The following MCUB variants were observed in gnomAD, a reference collection of about 807,000 sequenced individuals.
The protein encoded by MCUB is mitochondrial calcium uniporter dominant negative subunit beta, also known as calcium uniporter regulatory subunit MCUb, mitochondrial.
MCUB carries 46 observed loss-of-function variants against 41.4 expected under a neutral mutation model. The ratio of observed to expected loss-of-function variants is 1.11; its 90% CI spans 0.88 to 1.42. MCUB has a LOEUF of 1.42. Ranked by LOEUF, MCUB falls within the 40% of genes most tolerant of loss-of-function variation. MCUB has a pLI of 0.00. For missense variants in MCUB, 403 were observed against 404.9 expected, an observed-to-expected ratio of 1.00 and a Z score of 0.04; for synonymous variants, 148 against 148.2, an observed-to-expected ratio of 1.00 and a Z score of 0.01.
rs117742960 is a variant in MCUB at position 109,641,550 on chromosome 4, T to A, written c.100-17461T>A. Among the ~76,000 whole-genome samples the A allele has an allele frequency of 1.1e-4, 16 of 152,318 alleles. No individual in the cohort carries two copies. The East Asian group carries it at 3.1e-3, about 29-fold the overall frequency. On this transcript the variant is annotated intron_variant, in intron 1 of 7. Transcript: ENST00000394650. ...ATGATAGTTTGAAATATTGTGAGGATTACTAAGATGTGACAGAGACAAAGT... is the reference window on the plus strand; with the variant it reads ...ATGATAGTTTGAAATATTGTGAGGAATACTAAGATGTGACAGAGACAAAGT...
chr4:109,652,047 G>T (rs367870800), intron 1 of MCUB, among the ~76,000 whole-genome samples: 1 of 152,338 alleles, frequency 6.6e-6, no homozygotes, highest in Non-Finnish European at 1.5e-5. Flanking sequence ...TTCTTGGCTT[G>T]TACATGGCTG....
chr4:109,605,854 G>A (rs75545247), intron 1 of MCUB, among the ~76,000 whole-genome samples: 3,078 of 152,046 alleles, frequency 0.02, 102 homozygotes, highest in African/African-American at 0.071. Context: ...TTTTTTGGGG[G>A]GGTTCCATTA....
chr4:109,674,497 C>A (rs1316980351), intron 4 of MCUB, among the ~76,000 whole-genome samples: 2 of 152,192 alleles, frequency 1.3e-5, no homozygotes, highest in East Asian at 3.8e-4. Flanking sequence ...GTATAAGAGT[C>A]CTATTTGCCC....
At chr4:109,662,905 C>T (rs1729258413) in intron 3 of MCUB, among the ~76,000 whole-genome samples, 1 of 152,044 alleles carries the variant, frequency 6.6e-6, no homozygotes, top group African/African-American at 2.4e-5. Flanking sequence ...AAGCTTGTCA[C>T]AGTTTTGCCC....
chr4:109,575,053 G>T (rs771620946), intron 1 of MCUB, among the ~76,000 whole-genome samples: 8 of 152,220 alleles, frequency 5.3e-5, no homozygotes, highest in Non-Finnish European at 8.8e-5. Flanking sequence ...GCTGCCGCAG[G>T]TCAGAATGGA....
chr4:109,656,432 G>A (rs914756000), intron 1 of MCUB, among the ~76,000 whole-genome samples: 1 of 133,556 alleles, frequency 7.5e-6, no homozygotes, highest in Non-Finnish European at 1.5e-5. Context: ...CTGAAGTGCA[G>A]TAGCTACAAT....
At chr4:109,653,357 G>A (rs6831930) in intron 1 of MCUB, among the ~76,000 whole-genome samples, 106,044 of 150,786 alleles carry the variant, frequency 0.7, 37,957 homozygotes, top group African/African-American at 0.83. Context: ...CCAGCCTGGG[G>A]GACAGAGCAA....
chr4:109,586,750 T>C (rs963339624), intron 1 of MCUB, among the ~76,000 whole-genome samples: 3 of 151,932 alleles, frequency 2.0e-5, no homozygotes, highest in Admixed American at 2.0e-4. Context: ...GGAGGTCCAC[T>C]CCAGACCCTG....
chr4:109,603,508 C>T (rs1423055240), intron 1 of MCUB, among the ~76,000 whole-genome samples: 1 of 152,300 alleles, frequency 6.6e-6, no homozygotes, highest in South Asian at 2.1e-4. Context: ...AGCCTCTGCC[C>T]GGCCGCCACC....
At chr4:109,664,175 T>A in intron 3 of MCUB, 115 bp from the exon 4 acceptor site, 2 of 658,708 alleles carry the variant, frequency 3.0e-6, no homozygotes, top group South Asian at 3.3e-5. Context: ...CCCACAAAAG[T>A]AAATTGTCCA....
intron 6 of MCUB, chr4:109,684,914 A>G: frequency 2.6e-6 from 1 of 383,974 alleles, no homozygotes. Flanking sequence ...CATTTATAAA[A>G]AAAACTGAAT....
chr4:109,595,565 TAAATA>T (rs1275498890), intron 1 of MCUB, among the ~76,000 whole-genome samples: 1 of 147,640 alleles, frequency 6.8e-6, no homozygotes, highest in Non-Finnish European at 1.5e-5. Flanking sequence ...AAATTTAAAT[TAAATA>T]AAATAAAAAA....
At chr4:109,583,115 T>G (rs1727221800) in intron 1 of MCUB, among the ~76,000 whole-genome samples, 1 of 152,348 alleles carries the variant, frequency 6.6e-6, no homozygotes, top group South Asian at 2.1e-4. Flanking sequence ...CATTGATAGC[T>G]TGATGGGTAT....
At chr4:109,614,227 T>A (rs1728078395) in intron 1 of MCUB, among the ~76,000 whole-genome samples, 2 of 152,136 alleles carry the variant, frequency 1.3e-5, no homozygotes, top group Non-Finnish European at 2.9e-5. Context: ...CAGAATTGTG[T>A]CATTTGAATC....
intron 4 of MCUB, among the ~76,000 whole-genome samples, chr4:109,679,398 C>T (rs1193911349): frequency 2.6e-5 from 4 of 152,230 alleles, no homozygotes; most frequent in African/African-American, 9.6e-5. Flanking sequence ...GCAATCCCAG[C>T]ACCTCGGGAG....
At position 109,623,215 on chromosome 4, in the gene MCUB, G is replaced by A. The variant is rs11937569; in HGVS notation, c.100-35796G>A. 6.7e-3 allele frequency among the ~76,000 whole-genome samples: 1,015 copies of A among 152,304 alleles called. 12 individuals are homozygous for A. Among genetic ancestry groups the A allele is most frequent in the African/African-American group, 0.023 (967 of 41,562 alleles). On this transcript the variant is annotated intron_variant, in intron 1 of 7. Transcript: ENST00000394650. ...CAGCATTAGTTAAATCCACTGTCACGAAGAAAAGAGCTTGGCTGATTGATA... is the reference window on the plus strand; with the variant it reads ...CAGCATTAGTTAAATCCACTGTCACAAAGAAAAGAGCTTGGCTGATTGATA...
rs559856522 is a variant in MCUB at position 109,589,787 on chromosome 4, T to G, written c.99+29351T>G. ...GTTGTATCCTCAGGGGGTGGCAGGT[T>G]GCCTGGCACAGAGTGGGTGCTCCGT... On this transcript the variant is annotated intron_variant, in intron 1 of 7. Transcript: ENST00000394650. Among the ~76,000 whole-genome samples the G allele has an allele frequency of 7.7e-4, 117 of 152,340 alleles. 1 individual carries two copies. Among genetic ancestry groups the G allele is most frequent in the African/African-American group, 2.6e-3 (110 of 41,584 alleles).
intron 1 of MCUB, among the ~76,000 whole-genome samples, chr4:109,657,014 T>G (rs1454042348): frequency 6.6e-6 from 1 of 152,060 alleles, no homozygotes; most frequent in Non-Finnish European, 1.5e-5. Flanking sequence ...GTTCAGGAGT[T>G]TGAGACCAGC....
chr4:109,601,634 C>T (rs1277338997), intron 1 of MCUB, among the ~76,000 whole-genome samples: 2 of 152,118 alleles, frequency 1.3e-5, no homozygotes, highest in Non-Finnish European at 2.9e-5. Flanking sequence ...CTTTATTCAT[C>T]TGTTGATGGA....
Sources: gnomAD v4.1 joint callset for allele counts (sites outside exome capture counted in the v4.1 genomes callset) on GRCh38, gnomAD v4.1.1 for gene constraint, MANE v1.5 for transcripts, NCBI Gene and HGNC (gene_info 2026-07-23, HGNC 2026-07-21) for gene names.